The following ZNF385D variants were observed in gnomAD, a reference collection of about 807,000 sequenced individuals.
The protein encoded by ZNF385D is zinc finger protein 659.
ZNF385D carries 15 observed loss-of-function variants against 35.8 expected under a neutral mutation model. That is an observed-to-expected ratio of 0.42 (90% CI 0.28 to 0.64). The LOEUF is 0.64. Ranked by LOEUF, ZNF385D falls within the 30% of genes least tolerant of loss-of-function variation. The pLI is 0.23. For synonymous variants in ZNF385D, 212 were observed against 186.8 expected (o/e 1.13, Z -1.10); for missense variants, 474 against 494.6 (o/e 0.96, Z 0.39).
chr3:22,360,295 G>A (rs567332551), intron 2 of ZNF385D, among the ~76,000 whole-genome samples: 16 of 151,872 alleles, frequency 1.1e-4, no homozygotes, highest in African/African-American at 2.9e-4. Context: ...TATTTTCCAC[G>A]AAGGTATGCC....
intron 3 of ZNF385D, among the ~76,000 whole-genome samples, chr3:22,070,370 C>T (rs1269063359): frequency 2.6e-5 from 4 of 151,940 alleles, no homozygotes; most frequent in African/African-American, 7.2e-5. Flanking sequence ...TGAAGTAACC[C>T]GCTTTCAAGA....
At chr3:21,908,141 TC>T (rs1699784399) in intron 3 of ZNF385D, among the ~76,000 whole-genome samples, 1 of 149,332 alleles carries the variant, frequency 6.7e-6, no homozygotes, top group Non-Finnish European at 1.5e-5. Context: ...TATCTATCTA[TC>T]TATCTATCTA....
chr3:21,907,351 G>A (rs1699733211), intron 3 of ZNF385D, among the ~76,000 whole-genome samples: 1 of 151,982 alleles, frequency 6.6e-6, no homozygotes, highest in African/African-American at 2.4e-5. Context: ...AATATAAATT[G>A]TTACTATAAA....
intron 2 of ZNF385D, among the ~76,000 whole-genome samples, chr3:22,229,008 T>A (rs1387292219): frequency 6.6e-6 from 1 of 152,250 alleles, no homozygotes; most frequent in African/African-American, 2.4e-5. Flanking sequence ...TTGGACTGGC[T>A]TCCTTGCTCC....
intron 3 of ZNF385D, among the ~76,000 whole-genome samples, chr3:21,827,460 A>G (rs996802608): frequency 2.6e-5 from 4 of 152,208 alleles, no homozygotes; most frequent in African/African-American, 4.8e-5. Flanking sequence ...CGAGACATCA[A>G]TTGACACTTG....
intron 3 of ZNF385D, among the ~76,000 whole-genome samples, chr3:22,103,915 T>C (rs1702070905): frequency 6.6e-6 from 1 of 152,264 alleles, no homozygotes; most frequent in South Asian, 2.1e-4. Flanking sequence ...TATATGGCTT[T>C]AAATTTTTAT....
intron 2 of ZNF385D, among the ~76,000 whole-genome samples, chr3:22,306,318 C>T (rs1383541278): frequency 1.3e-5 from 2 of 151,820 alleles, no homozygotes; most frequent in Non-Finnish European, 2.9e-5. Context: ...GTAAACCTTT[C>T]TCTGTCTTGT....
chr3:22,224,033 A>C (rs1425251112), intron 2 of ZNF385D, among the ~76,000 whole-genome samples: 1 of 152,168 alleles, frequency 6.6e-6, no homozygotes, highest in Non-Finnish European at 1.5e-5. Flanking sequence ...AATACATTAC[A>C]GTATGAAAAA....
chr3:21,639,955 CTT>C (rs930840018), intron 2 of ZNF385D, among the ~76,000 whole-genome samples: 1 of 151,982 alleles, frequency 6.6e-6, no homozygotes, highest in Non-Finnish European at 1.5e-5. Context: ...TCCAAAGACA[CTT>C]TTAGGGTTTT....
At chr3:22,221,998 A>C (rs1698283152) in intron 2 of ZNF385D, among the ~76,000 whole-genome samples, 1 of 151,748 alleles carries the variant, frequency 6.6e-6, no homozygotes, top group African/African-American at 2.4e-5. Context: ...TTTTTTTTTA[A>C]GACAGTCTCA....
chr3:22,199,863 T>C (rs1424203843), intron 2 of ZNF385D, among the ~76,000 whole-genome samples: 2 of 152,092 alleles, frequency 1.3e-5, no homozygotes, highest in African/African-American at 4.8e-5. Context: ...CAGGATAAAA[T>C]GTGAAATTTT....
chr3:21,614,366 T>A (rs1408517569), intron 2 of ZNF385D, among the ~76,000 whole-genome samples: 2 of 152,208 alleles, frequency 1.3e-5, no homozygotes, highest in Admixed American at 1.3e-4. Context: ...ATTAACGTCT[T>A]CCCTAAGGAG....
chr3:22,134,668 TG>T lies in ZNF385D; in HGVS notation c.325+34148del, dbSNP rs1249082499. Among the ~76,000 whole-genome samples, 6 of 152,304 alleles carry T rather than the reference TG, an allele frequency of 3.9e-5. No individual in the cohort carries two copies. The East Asian group carries it at 5.8e-4, about 15-fold the overall frequency. On this transcript the variant is annotated intron_variant, in intron 3 of 5. Coordinates refer to the ZNF385D transcript ENST00000494108. ...GCTACTACAACAGAATCCCTAAGAC[TG>T]TATAATTTACAATGAACAGAAGATT...
chr3:22,335,862 G>A (rs143342909), intron 2 of ZNF385D, among the ~76,000 whole-genome samples: 8 of 152,022 alleles, frequency 5.3e-5, no homozygotes, highest in East Asian at 1.9e-4. Flanking sequence ...GATAGCCTTC[G>A]TATTGTCTTC....
At chr3:22,063,961 C>T (rs780209570) in intron 3 of ZNF385D, among the ~76,000 whole-genome samples, 4 of 152,194 alleles carry the variant, frequency 2.6e-5, no homozygotes, top group Non-Finnish European at 4.4e-5. Context: ...GTTATTAATC[C>T]TGAGAGCATG....
chr3:21,731,766 A>T (rs1177230620), intron 1 of ZNF385D, among the ~76,000 whole-genome samples: 2 of 152,088 alleles, frequency 1.3e-5, no homozygotes, highest in Non-Finnish European at 2.9e-5. Flanking sequence ...GTTCAAACTC[A>T]TGTCATTCAA....
intron 3 of ZNF385D, among the ~76,000 whole-genome samples, chr3:21,959,816 A>G (rs1009395192): frequency 6.6e-6 from 1 of 152,174 alleles, no homozygotes; most frequent in Non-Finnish European, 1.5e-5. Context: ...AAATCTGCAA[A>G]AGGCAGAAGC....
intron 3 of ZNF385D, among the ~76,000 whole-genome samples, chr3:21,798,426 C>T (rs1207886007): frequency 3.3e-5 from 5 of 152,190 alleles, no homozygotes; most frequent in African/African-American, 1.2e-4. Flanking sequence ...GGACCACACT[C>T]AACTCCTAGA....
At chr3:21,781,696 G>A (rs1422318455) in intron 3 of ZNF385D, among the ~76,000 whole-genome samples, 1 of 151,898 alleles carries the variant, frequency 6.6e-6, no homozygotes, top group Non-Finnish European at 1.5e-5. Flanking sequence ...AAACACGTAA[G>A]TCTTGTTATT....
Sources: gnomAD v4.1 joint callset for allele counts (sites outside exome capture counted in the v4.1 genomes callset) on GRCh38, gnomAD v4.1.1 for gene constraint, MANE v1.5 for transcripts, NCBI Gene and HGNC (gene_info 2026-07-23, HGNC 2026-07-21) for gene names.